Variants in IFT46 observed in about 807,000 individuals in gnomAD.
IFT46 encodes the protein intraflagellar transport 46, also known as intraflagellar transport protein 46 homolog.
In IFT46, 19 loss-of-function variants were observed where a neutral mutation model predicts 39.6. The ratio of observed to expected loss-of-function variants is 0.48; its 90% confidence interval spans 0.33 to 0.70. The LOEUF is 0.70. Among genes scored for constraint, IFT46 ranks in the 30% least tolerant of loss-of-function variants. The pLI, the probability that IFT46 is intolerant of heterozygous loss-of-function variation, is 0.01. For missense variants in IFT46, 334 were observed against 364.8 expected, an observed-to-expected ratio of 0.92 and a Z score of 0.69; for synonymous variants, 117 against 134.8, an observed-to-expected ratio of 0.87 and a Z score of 0.91.
At chr11:118,566,595 A>G (rs1477079199), upstream of IFT46, among the ~76,000 whole-genome samples, 1 of 152,222 alleles carries the variant, frequency 6.6e-6, no homozygotes, top group Non-Finnish European at 1.5e-5. Flanking sequence ...CGAGAGGCTG[A>G]GGCAGGAGAA....
At position 118,559,882 on chromosome 11, in the gene IFT46, T is replaced by C; in HGVS notation, c.-35-18A>G. 2 of 1,391,322 alleles carry C rather than the reference T, an allele frequency of 1.4e-6. No homozygotes were observed. Among genetic ancestry groups the C allele is most frequent in the Non-Finnish European group, 2.0e-6 (2 of 985,182 alleles). 86.2% of individuals were successfully genotyped at this position (1,391,322 alleles called of 1,614,324 possible). On this transcript the variant is annotated intron_variant, in intron 2 of 11. Transcript: ENST00000264021. The stretch of plus-strand genomic sequence containing the variant: ...AGGAAGTCCTTAGAAAAAAAGTTTT[T>C]CCTTTAGATTATTGTTAAAATGATT...
Position 118,559,778 on chromosome 11 carries a change from A to T in IFT46, c.45+7T>A, listed in dbSNP as rs781805272. On this transcript the variant is annotated splice_region_variant and intron_variant, in intron 3 of 11. Transcript: ENST00000264021. ...AATTCTACAAGAAGCTGTGAGTTTT[A>T]CTGTACCTTGTTATTTTCCTCTTCA... The T allele has an allele frequency of 1.9e-6, 3 of 1,610,034 alleles. No individual in the cohort carries two copies. The highest frequency in any genetic ancestry group is 2.6e-6 in the Non-Finnish European group (3 of 1,176,350).
chr11:118,563,059 A>G (rs557159), intron 2 of IFT46, among the ~76,000 whole-genome samples: 1 of 151,606 alleles, frequency 6.6e-6, no homozygotes. Context: ...AGCGAAATTC[A>G]GTCTCAAAAA....
Position 118,557,040 on chromosome 11 carries a change from C to A in IFT46, c.51G>T (p.Lys17Asn). The A allele has an allele frequency of 1.2e-6, 2 of 1,600,892 alleles. No individual in the cohort carries two copies. The highest frequency in any genetic ancestry group is 1.7e-5 in the Admixed American group (1 of 57,708). ...DECEEENNKE[K>N]KKTSQLTPQR... is the part of the protein sequence containing the mutation. ...GAGGTGTCAACTGTGAGGTCTTCTTCTTCTCCTGTGATAGGGCAGGGCAGG... is the reference window on the plus strand; with the variant it reads ...GAGGTGTCAACTGTGAGGTCTTCTTATTCTCCTGTGATAGGGCAGGGCAGG... Residue 17 changes from lysine (K) to asparagine (N), a missense_variant, in exon 4 of 12, where the codon AAG becomes AAT. Physicochemically the swap from Lys to Asn is moderately conservative, Grantham distance 94. Coordinates refer to ENST00000264021, the MANE Select transcript of IFT46 (RefSeq NM_001168618.2).
At chr11:118,555,409 G>A (rs1469813937) in intron 4 of IFT46, 87 bp from the exon 5 acceptor site, 15 of 962,840 alleles carry the variant, frequency 1.6e-5, no homozygotes, top group Non-Finnish European at 2.3e-5. Context: ...ACTGACTATA[G>A]GGACATGATC....
In IFT46 at chr11:118,555,687, C is replaced by T. The variant is rs190148039; in HGVS notation, c.186-365G>A. ...CTGTAATCCCAGCACTTTTGGAGGC[C>T]GAGGCAGGCGGATCACCTGAGGTCA... On this transcript the variant is annotated intron_variant, in intron 4 of 11. Transcript: ENST00000264021. 7.3e-3 allele frequency: 1,368 copies of T among 188,054 alleles called. 20 individuals are homozygous for T. The highest frequency in any genetic ancestry group is 0.03 in the African/African-American group (1,242 of 41,858). 11.6% of individuals were successfully genotyped at this position (188,054 alleles called of 1,614,324 possible). A position where few individuals can be genotyped will look rare whatever the true frequency, so the allele number is the denominator to read the frequency against.
chr11:118,560,575 A>G (rs576476676), intron 2 of IFT46: 5 of 322,176 alleles, frequency 1.6e-5, no homozygotes, highest in African/African-American at 4.3e-5. Context: ...CTGAATTCAT[A>G]CTAAGAGTGG....
chr11:118,551,468 G>A (rs1247025926), intron 9 of IFT46, among the ~76,000 whole-genome samples: 1 of 151,992 alleles, frequency 6.6e-6, no homozygotes, highest in Non-Finnish European at 1.5e-5. Context: ...GAGCCCAGGA[G>A]TTTGAGAACA....
exon 1 of IFT46, chr11:118,572,853 G>A (rs1938381955): frequency 2.5e-6 from 1 of 402,598 alleles, no homozygotes; most frequent in African/African-American, 2.1e-5. Context: ...AGAACTTCGT[G>A]GTGGTGGTGC....
At chr11:118,575,187 C>G (rs1163903354), upstream of IFT46, among the ~76,000 whole-genome samples, 1 of 152,116 alleles carries the variant, frequency 6.6e-6, no homozygotes, top group Non-Finnish European at 1.5e-5. Context: ...ACCATGTTAG[C>G]CAGGATAGTC....
intron 8 of IFT46, 34 bp from the exon 9 acceptor site, chr11:118,551,886 G>A (rs371057822): frequency 1.6e-5 from 26 of 1,578,732 alleles, no homozygotes; most frequent in East Asian, 4.5e-5. Flanking sequence ...AACAAGAAAC[G>A]TGAACTGATA....
intron 9 of IFT46, among the ~76,000 whole-genome samples, chr11:118,547,968 G>A (rs1478245226): frequency 2.7e-5 from 4 of 148,718 alleles, no homozygotes; most frequent in African/African-American, 7.4e-5. Flanking sequence ...GGATGGTCTC[G>A]ATCTCCTGAC....
chr11:118,550,891 G>A (rs887909599), intron 9 of IFT46, among the ~76,000 whole-genome samples: 2 of 151,696 alleles, frequency 1.3e-5, no homozygotes, highest in Non-Finnish European at 2.9e-5. Context: ...GCCAGGCACA[G>A]TGGCAGATGC....
At chr11:118,550,616 A>G (rs891751712) in intron 9 of IFT46, among the ~76,000 whole-genome samples, 1 of 152,200 alleles carries the variant, frequency 6.6e-6, no homozygotes, top group African/African-American at 2.4e-5. Flanking sequence ...CCCGGCCCAC[A>G]TTAACTCTTT....
chr11:118,564,228 C>T (rs1200981060), intron 2 of IFT46, among the ~76,000 whole-genome samples: 1 of 150,968 alleles, frequency 6.6e-6, no homozygotes, highest in African/African-American at 2.4e-5. Flanking sequence ...GGGTCTCCTT[C>T]CTCACTGTTA....
intron 2 of IFT46, among the ~76,000 whole-genome samples, chr11:118,562,623 C>G (rs918050027): frequency 2.6e-5 from 4 of 152,066 alleles, no homozygotes; most frequent in Non-Finnish European, 2.9e-5. Context: ...TAAACACGCT[C>G]AAGTCAAAAA....
At chr11:118,574,353 A>C (rs1938432125), upstream of IFT46, among the ~76,000 whole-genome samples, 1 of 152,178 alleles carries the variant, frequency 6.6e-6, no homozygotes, top group Non-Finnish European at 1.5e-5. Flanking sequence ...GATAGGGTGA[A>C]ATTTTTATCT....
chr11:118,557,644 G>T, intron 3 of IFT46: 1 of 1,431,912 alleles, frequency 7.0e-7, no homozygotes, highest in Non-Finnish European at 9.8e-7. Flanking sequence ...TGACCTATCT[G>T]TATTTCCCTT....
chr11:118,563,014 A>G (rs59108310), intron 2 of IFT46, among the ~76,000 whole-genome samples: 24,599 of 151,750 alleles, frequency 0.16, 2,504 homozygotes, highest in East Asian at 0.51. Context: ...GCAGTGAGCC[A>G]AGATCGTGCC....
Sources: gnomAD v4.1 joint callset for allele counts (sites outside exome capture counted in the v4.1 genomes callset) on GRCh38, gnomAD v4.1.1 for gene constraint, MANE v1.5 for transcripts, NCBI Gene and HGNC (gene_info 2026-07-23, HGNC 2026-07-21) for gene names.